The following BLTP3A variants were observed in gnomAD, a reference collection of about 807,000 sequenced individuals.
BLTP3A encodes ICBP90 binding protein 1.
At chr6:34,840,609 A>T in the BLTP3A span, among the ~76,000 whole-genome samples, 27 of 151,442 alleles carry the variant, frequency 1.8e-4, no homozygotes, top group Non-Finnish European at 2.9e-4. Flanking sequence ...ATATTATTAC[A>T]ATTAATTTCA....
the BLTP3A span, among the ~76,000 whole-genome samples, chr6:34,843,110 A>G: frequency 6.6e-6 from 1 of 152,160 alleles, no homozygotes; most frequent in South Asian, 2.1e-4. Context: ...CAGCCTCCCA[A>G]GTAGCTGGGA....
At chr6:34,822,837 AAG>A in the BLTP3A span, among the ~76,000 whole-genome samples, 1 of 151,424 alleles carries the variant, frequency 6.6e-6, no homozygotes, top group Admixed American at 6.6e-5. Context: ...TGATAAGAGT[AAG>A]ACTCTGTTTC....
chr6:34,832,665 G>C, the BLTP3A span, among the ~76,000 whole-genome samples: 3 of 151,498 alleles, frequency 2.0e-5, no homozygotes, highest in African/African-American at 7.3e-5. Flanking sequence ...TGCCCAGGCT[G>C]GTCTCAAACT....
the BLTP3A span, chr6:34,858,602 G>T: frequency 6.2e-7 from 1 of 1,614,128 alleles, no homozygotes; most frequent in Non-Finnish European, 8.5e-7. Flanking sequence ...TCAGAGGGGA[G>T]GCTGAAACCA....
chr6:34,875,112 TA>T, the BLTP3A span: 1 of 152,618 alleles, frequency 6.6e-6, no homozygotes, highest in African/African-American at 2.4e-5. Flanking sequence ...GCTCATTGTC[TA>T]AGAAGGGATG....
the BLTP3A span, among the ~76,000 whole-genome samples, chr6:34,845,893 G>A: frequency 0.14 from 21,548 of 151,620 alleles, 1,815 homozygotes; most frequent in African/African-American, 0.23. Flanking sequence ...CACCGCGCCC[G>A]GCCTAATTTT....
At chr6:34,844,486 G>A in the BLTP3A span, among the ~76,000 whole-genome samples, 1 of 152,104 alleles carries the variant, frequency 6.6e-6, no homozygotes, top group African/African-American at 2.4e-5. Flanking sequence ...TGATGGCTAG[G>A]CTGGTCTTGA....
the BLTP3A span, chr6:34,834,101 C>A: frequency 8.5e-7 from 1 of 1,183,008 alleles, no homozygotes; most frequent in Non-Finnish European, 1.2e-6. Flanking sequence ...GAACCTGTCT[C>A]AAAAAAATAA....
chr6:34,802,908 G>A, the BLTP3A span, among the ~76,000 whole-genome samples: 1 of 152,178 alleles, frequency 6.6e-6, no homozygotes, highest in African/African-American at 2.4e-5. Flanking sequence ...GGGCGCAGTG[G>A]CTTACACCTA....
chr6:34,842,502 C>T, the BLTP3A span, among the ~76,000 whole-genome samples: 24 of 152,040 alleles, frequency 1.6e-4, no homozygotes, highest in African/African-American at 5.6e-4. Context: ...AAATTGGTTT[C>T]GGGGGTGCAG....
chr6:34,866,379 C>T, the BLTP3A span, among the ~76,000 whole-genome samples: 21 of 150,750 alleles, frequency 1.4e-4, no homozygotes, highest in African/African-American at 4.9e-4. Flanking sequence ...CTCCCCTGGG[C>T]GACAGAGCGA....
At chr6:34,809,648 C>T in the BLTP3A span, among the ~76,000 whole-genome samples, 1 of 152,102 alleles carries the variant, frequency 6.6e-6, no homozygotes, top group Non-Finnish European at 1.5e-5. Context: ...TCACTGCGAC[C>T]TCTGCCTCCC....
chr6:34,823,215 G>T, the BLTP3A span: 5 of 1,509,608 alleles, frequency 3.3e-6, no homozygotes, highest in African/African-American at 1.4e-5. Flanking sequence ...TGCTGTGTGT[G>T]TATTTGTGTA....
the BLTP3A span, chr6:34,821,542 A>G: frequency 1.8e-6 from 2 of 1,087,842 alleles, no homozygotes; most frequent in Non-Finnish European, 2.6e-6. Context: ...ACTAGCCTTA[A>G]CAAATGTTCT....
chr6:34,864,011 G>A, the BLTP3A span: 1 of 1,607,536 alleles, frequency 6.2e-7, no homozygotes, highest in Non-Finnish European at 8.5e-7. Flanking sequence ...GGGAGCCCAT[G>A]GCCAAGACAG....
At chr6:34,861,347 A>C in the BLTP3A span, among the ~76,000 whole-genome samples, 1 of 152,152 alleles carries the variant, frequency 6.6e-6, no homozygotes, top group Admixed American at 6.5e-5. Flanking sequence ...GCTAGTCTCA[A>C]ACTCTTGGGC....
At chr6:34,836,469 A>C in the BLTP3A span, 2 of 900,262 alleles carry the variant, frequency 2.2e-6, no homozygotes, top group East Asian at 5.1e-5. Flanking sequence ...GGCTTCCCTT[A>C]ATCACAGGCA....
chr6:34,864,296 T>C, the BLTP3A span: 4 of 1,199,792 alleles, frequency 3.3e-6, no homozygotes, highest in Non-Finnish European at 3.5e-6. Flanking sequence ...AGCTGAGAGA[T>C]GATAATATAG....
the BLTP3A span, among the ~76,000 whole-genome samples, chr6:34,838,747 C>T: frequency 6.6e-6 from 1 of 152,188 alleles, no homozygotes; most frequent in East Asian, 1.9e-4. Flanking sequence ...GTGTTCAAGA[C>T]CAGCCTGGGC....
Sources: allele counts gnomAD v4.1 joint callset (sites outside exome capture counted in the v4.1 genomes callset), GRCh38; gene constraint gnomAD v4.1.1; transcripts MANE v1.5; gene names NCBI Gene and HGNC (gene_info 2026-07-23, HGNC 2026-07-21).